Variants in FGF9 observed in about 807,000 individuals in gnomAD.
FGF9 encodes fibroblast growth factor 9.
In FGF9, 3 loss-of-function variants were observed where a neutral mutation model predicts 19.9. The ratio of observed to expected loss-of-function variants is 0.15; its 90% CI spans 0.07 to 0.39. The LOEUF (loss-of-function observed/expected upper bound fraction) is 0.39. Among genes scored for constraint, FGF9 ranks in the 10% least tolerant of loss-of-function variants. FGF9 has a pLI of 1.00. For missense variants in FGF9, 175 were observed against 256.8 expected, an observed-to-expected ratio of 0.68 and a Z score of 2.18; for synonymous variants, 107 against 106.9, an observed-to-expected ratio of 1.00 and a Z score of -0.01.
At position 21,691,469 on chromosome 13, in the gene FGF9, A is replaced by C. The variant is rs555748130; in HGVS notation, c.382-9721A>C. Among the ~76,000 whole-genome samples the C allele has an allele frequency of 3.9e-5, 6 of 152,296 alleles. No homozygotes were observed. The East Asian group carries it at 9.6e-4, about 24-fold the overall frequency. On this transcript the variant is annotated intron_variant, in intron 2 of 2. Coordinates refer to ENST00000382353, the MANE Select transcript of FGF9 (RefSeq NM_002010.3). This position sits in a 1 kb window ranked among gnomAD's most constrained non-coding sequence, Gnocchi z 4.2. ...GGTTTAGAAACATGGAGGCTTCTGG[A>C]TGTCTCCGGATTCTGTGGTCTTTCC...
Position 21,672,247 on chromosome 13 carries a change from C to T in FGF9, c.277+58C>T. 6.2e-7 allele frequency: 1 copy of T among 1,600,348 alleles called. No individual in the cohort carries two copies. Among genetic ancestry groups the T allele is most frequent in the South Asian group, 1.1e-5 (1 of 90,376 alleles). On this transcript the variant is annotated intron_variant, in intron 1 of 2. Transcript: ENST00000382353. This position sits in a 1 kb window ranked among gnomAD's most constrained non-coding sequence, Gnocchi z 4.2. ...AGATGACATGTTGAAATTATAACTA[C>T]CAAGAAGGTGGTGGCCGGGTGGGGG...
At position 21,691,620 on chromosome 13, in the gene FGF9, C is replaced by T. The variant is rs543692916; in HGVS notation, c.382-9570C>T. Among the ~76,000 whole-genome samples the T allele has an allele frequency of 2.6e-5, 4 of 152,336 alleles. No individual in the cohort carries two copies. Among genetic ancestry groups the T allele is most frequent in the South Asian group, 2.1e-4 (1 of 4,830 alleles). On this transcript the variant is annotated intron_variant, in intron 2 of 2. Coordinates refer to ENST00000382353, the MANE Select transcript of FGF9 (RefSeq NM_002010.3). This position sits in a 1 kb window ranked among gnomAD's most constrained non-coding sequence, Gnocchi z 4.2. ...GCATCAGCAGCCCCTCCGGGGCTGT[C>T]GTTCAGCGTCCTGGCCCGAGAGATG...
chr13:21,695,316 T>C (rs4770192), intron 2 of FGF9, among the ~76,000 whole-genome samples: 120,915 of 152,048 alleles, frequency 0.8, 48,663 homozygotes, highest in East Asian at 0.96. Flanking sequence ...ACTTGGTTTA[T>C]TTTGTTTATG....
chr13:21,695,473 G>T (rs1259641320), intron 2 of FGF9, among the ~76,000 whole-genome samples: 1 of 152,056 alleles, frequency 6.6e-6, no homozygotes, highest in East Asian at 1.9e-4. Context: ...GCCATATTGG[G>T]TTGGGTCTGG....
chr13:21,686,211 T>G (rs1872153549), intron 2 of FGF9, among the ~76,000 whole-genome samples: 1 of 152,164 alleles, frequency 6.6e-6, no homozygotes, highest in Admixed American at 6.5e-5. Flanking sequence ...GTGTTTTTAG[T>G]AGAGATGGGG....
In FGF9 at chr13:21,701,563, A is replaced by G. The variant is rs1477295850; in HGVS notation, c.*128A>G. ...GTTGCCAAACTTTGTCGCATGCATA[A>G]TGTATGATGGAGGCTTGGATGGGAA... is the stretch of plus-strand genomic sequence containing the variant. On this transcript the variant is annotated 3_prime_UTR_variant, in exon 3 of 3. Coordinates refer to ENST00000382353, the MANE Select transcript of FGF9 (RefSeq NM_002010.3). 1.8e-5 allele frequency: 23 copies of G among 1,304,828 alleles called. No homozygotes were observed. In the East Asian group the frequency reaches 5.5e-4, roughly 31 times the overall value. 80.8% of individuals were successfully genotyped at this position (1,304,828 alleles called of 1,614,324 possible). A position where few individuals can be genotyped will look rare whatever the true frequency, so the allele number is the denominator to read the frequency against.
At chr13:21,687,255 G>C (rs924965487) in intron 2 of FGF9, among the ~76,000 whole-genome samples, 1 of 152,170 alleles carries the variant, frequency 6.6e-6, no homozygotes, top group Non-Finnish European at 1.5e-5. Flanking sequence ...GGTGGCAGGA[G>C]CCCTGTAGGT....
At chr13:21,695,332 C>T (rs1186123868) in intron 2 of FGF9, among the ~76,000 whole-genome samples, 1 of 152,006 alleles carries the variant, frequency 6.6e-6, no homozygotes, top group Non-Finnish European at 1.5e-5. Context: ...TTATGTGGAC[C>T]AGACACAACT....
rs1384086564 is a variant in FGF9, at chr13:21,672,630, C to G, written c.277+441C>G. Among the ~76,000 whole-genome samples the G allele has an allele frequency of 1.3e-5, 2 of 152,106 alleles. No individual in the cohort carries two copies. Among genetic ancestry groups the G allele is most frequent in the Non-Finnish European group, 2.9e-5 (2 of 68,024 alleles). The stretch of plus-strand genomic sequence containing the variant: ...AAGGTTTTTTTCCTTTCCCCCTTTC[C>G]TCTAGTAAGTATACTACTTGAATTG... On this transcript the variant is annotated intron_variant, in intron 1 of 2. Coordinates refer to ENST00000382353, the MANE Select transcript of FGF9 (RefSeq NM_002010.3). The surrounding 1 kb of genome is among the most constrained non-coding windows in gnomAD (Gnocchi z 4.2).
intron 2 of FGF9, 77 bp from the exon 3 acceptor site, chr13:21,701,113 C>T: frequency 8.2e-7 from 1 of 1,216,502 alleles, no homozygotes; most frequent in Non-Finnish European, 1.2e-6. Context: ...CTGCACCTAT[C>T]AATCCATCCC....
At chr13:21,687,544 A>C (rs1245733531) in intron 2 of FGF9, among the ~76,000 whole-genome samples, 1 of 152,192 alleles carries the variant, frequency 6.6e-6, no homozygotes, top group African/African-American at 2.4e-5. Flanking sequence ...CCTGACTGAG[A>C]CGAAGATGCT....
intron 2 of FGF9, among the ~76,000 whole-genome samples, chr13:21,690,888 G>A (rs773939301): frequency 3.9e-5 from 6 of 152,334 alleles, no homozygotes; most frequent in South Asian, 2.1e-4. Context: ...GTTGCTAAGC[G>A]CAAGAAGGCT....
In FGF9 at chr13:21,701,512, C is replaced by A. The variant is rs535082421; in HGVS notation, c.*77C>A. On this transcript the variant is annotated 3_prime_UTR_variant, in exon 3 of 3. Transcript: ENST00000382353. Reference sequence around the variant, plus strand: ...TTCACGCGGTGGGTTCTTATTGATTCGCTGTGTCATCACATCAGCTCCACT... The same window carrying A: ...TTCACGCGGTGGGTTCTTATTGATTAGCTGTGTCATCACATCAGCTCCACT... 5 of 1,601,670 alleles carry A rather than the reference C, an allele frequency of 3.1e-6. No homozygotes were observed. In the Admixed American group the frequency reaches 8.3e-5, roughly 27 times the overall value.
chr13:21,685,912 G>A (rs1358149372), intron 2 of FGF9, among the ~76,000 whole-genome samples: 1 of 152,174 alleles, frequency 6.6e-6, no homozygotes, highest in East Asian at 1.9e-4. Flanking sequence ...TTGAAATTTC[G>A]AGAGGATGTT....
intron 2 of FGF9, among the ~76,000 whole-genome samples, chr13:21,692,577 A>G (rs17070469): frequency 0.016 from 2,453 of 152,280 alleles, 70 homozygotes; most frequent in African/African-American, 0.056. Context: ...GAACGGGCTA[A>G]CGATAGACAC....
intron 1 of FGF9, among the ~76,000 whole-genome samples, chr13:21,678,576 G>A (rs1446345246): frequency 6.6e-6 from 1 of 152,028 alleles, no homozygotes; most frequent in East Asian, 1.9e-4. Flanking sequence ...ATGTTCTGCA[G>A]ACCAGCCAGT....
chr13:21,703,891 T>G lies in FGF9; in HGVS notation c.*2456T>G, dbSNP rs1872598817. ...GAGTTAATTTTGTTTGGTACTTTTT[T>G]TTTTTTTAAGACGAGCAAATTGTTA... On this transcript the variant is annotated 3_prime_UTR_variant, in exon 3 of 3. Coordinates refer to ENST00000382353, the MANE Select transcript of FGF9 (RefSeq NM_002010.3). 1 of 152,178 alleles carries G rather than the reference T, an allele frequency of 6.6e-6. No individual in the cohort carries two copies. Among genetic ancestry groups the G allele is most frequent in the Admixed American group, 6.5e-5 (1 of 15,284 alleles). The allele number at this position is 152,178 out of a possible 1,614,324, so 9.4% of individuals were successfully genotyped here. A position where few individuals can be genotyped will look rare whatever the true frequency, so the allele number is the denominator to read the frequency against.
At chr13:21,674,496 G>C (rs1402040432) in intron 1 of FGF9, among the ~76,000 whole-genome samples, 2 of 151,928 alleles carry the variant, frequency 1.3e-5, no homozygotes, top group Non-Finnish European at 2.9e-5. Flanking sequence ...TCACAACCGG[G>C]GGAGCCCGGG....
At chr13:21,698,421 C>T (rs1253684923) in intron 2 of FGF9, among the ~76,000 whole-genome samples, 1 of 152,196 alleles carries the variant, frequency 6.6e-6, no homozygotes, top group East Asian at 1.9e-4. Context: ...TTCAGCACTG[C>T]TCTCTGATTG....
Sources: allele counts gnomAD v4.1 joint callset (sites outside exome capture counted in the v4.1 genomes callset), GRCh38; gene constraint gnomAD v4.1.1; non-coding constraint Gnocchi (gnomAD v3.1); transcripts MANE v1.5; gene names NCBI Gene and HGNC (gene_info 2026-07-23, HGNC 2026-07-21).